The following POLR3B variants were observed in gnomAD, a reference collection of about 807,000 sequenced individuals.
POLR3B encodes the protein RNA polymerase III subunit B.
In POLR3B, 96 loss-of-function variants were observed where a neutral mutation model predicts 147.4. That is an observed-to-expected ratio of 0.65 (90% CI 0.55 to 0.77). The LOEUF (loss-of-function observed/expected upper bound fraction) is 0.77. Among genes scored for constraint, POLR3B ranks in the 30% least tolerant of loss-of-function variants. The pLI, the probability that POLR3B is intolerant of heterozygous loss-of-function variation, is 0.00. For missense variants in POLR3B, 1,036 were observed against 1,413.5 expected (o/e 0.73, Z 4.28); for synonymous variants, 461 against 485.9 (o/e 0.95, Z 0.67).
rs572237321 is a variant in POLR3B, at chr12:106,460,929, T to C, written c.2570+1561T>C. On this transcript the variant is annotated intron_variant, in intron 22 of 27. Coordinates refer to ENST00000228347, the MANE Select transcript of POLR3B (RefSeq NM_018082.6). ...GCCACTGTATTCCTCTTCCTTTCAC[T>C]ACGAAGCTCCTCAGAGCAATCATCT... is the stretch of plus-strand genomic sequence containing the variant. 1.2e-4 allele frequency among the ~76,000 whole-genome samples: 19 copies of C among 152,226 alleles called. No individual in the cohort carries two copies. In the East Asian group the frequency reaches 3.7e-3, roughly 29 times the overall value.
At chr12:106,385,157 C>T (rs11615682) in intron 9 of POLR3B, among the ~76,000 whole-genome samples, 1 of 151,894 alleles carries the variant, frequency 6.6e-6, no homozygotes, top group Non-Finnish European at 1.5e-5. Context: ...CAGAAAATAA[C>T]GTTCTGTATT....
At chr12:106,475,914 G>A (rs1471608556) in intron 23 of POLR3B, among the ~76,000 whole-genome samples, 2 of 151,256 alleles carry the variant, frequency 1.3e-5, no homozygotes, top group African/African-American at 2.4e-5. Context: ...TCATTATGAT[G>A]TTAGCTGGTT....
chr12:106,420,023 G>A (rs1666685171), intron 12 of POLR3B, among the ~76,000 whole-genome samples: 1 of 151,972 alleles, frequency 6.6e-6, no homozygotes, highest in African/African-American at 2.4e-5. Flanking sequence ...GAGGTTGGTG[G>A]GAAGGGCTGG....
At chr12:106,398,005 C>T (rs145652642) in intron 10 of POLR3B, among the ~76,000 whole-genome samples, 2 of 152,344 alleles carry the variant, frequency 1.3e-5, no homozygotes, top group Non-Finnish European at 2.9e-5. Flanking sequence ...GGGTGCAGCG[C>T]ACCGTGCGTG....
chr12:106,495,719 A>T (rs560172066), intron 23 of POLR3B, among the ~76,000 whole-genome samples: 29 of 152,304 alleles, frequency 1.9e-4, no homozygotes, highest in Non-Finnish European at 1.2e-4. Flanking sequence ...CTGCTGACTT[A>T]AAGCTTCAGG....
At chr12:106,366,996 A>G (rs2036544588) in intron 4 of POLR3B, among the ~76,000 whole-genome samples, 1 of 152,150 alleles carries the variant, frequency 6.6e-6, no homozygotes, top group Non-Finnish European at 1.5e-5. Context: ...CCAGATACTC[A>G]GGAGGCTGAG....
intron 2 of POLR3B, among the ~76,000 whole-genome samples, chr12:106,364,595 C>T (rs148626607): frequency 6.6e-6 from 1 of 152,320 alleles, no homozygotes; most frequent in Non-Finnish European, 1.5e-5. Flanking sequence ...CAATTCCACT[C>T]CTAGATATCT....
At chr12:106,388,566 T>C (rs1440169186) in intron 9 of POLR3B, among the ~76,000 whole-genome samples, 7 of 152,224 alleles carry the variant, frequency 4.6e-5, no homozygotes, top group Non-Finnish European at 7.3e-5. Context: ...TCTGCCCACC[T>C]TAGCCTCCCA....
chr12:106,480,974 T>C (rs17286995), intron 23 of POLR3B, among the ~76,000 whole-genome samples: 5,308 of 152,208 alleles, frequency 0.035, 113 homozygotes, highest in Middle Eastern at 0.082. Flanking sequence ...AACACCATGT[T>C]GAAAAGATGG....
intron 12 of POLR3B, among the ~76,000 whole-genome samples, chr12:106,423,818 G>C (rs970701623): frequency 4.0e-5 from 6 of 151,316 alleles, no homozygotes; most frequent in African/African-American, 1.5e-4. Flanking sequence ...ACCCAGTCAA[G>C]CTGACACCTA....
At chr12:106,432,541 A>G (rs1744726094) in intron 15 of POLR3B, 61 bp downstream of exon 15, 2 of 1,314,944 alleles carry the variant, frequency 1.5e-6, no homozygotes, top group African/African-American at 1.4e-5. Flanking sequence ...GAGGGAATCC[A>G]TTATTATCCT....
At chr12:106,506,920 G>A (rs930882123) in intron 27 of POLR3B, among the ~76,000 whole-genome samples, 7 of 152,162 alleles carry the variant, frequency 4.6e-5, no homozygotes, top group African/African-American at 7.2e-5. Flanking sequence ...CATGGGCGTC[G>A]TTGGAGGAAG....
intron 10 of POLR3B, among the ~76,000 whole-genome samples, chr12:106,399,340 T>G (rs527440056): frequency 6.6e-6 from 1 of 152,278 alleles, no homozygotes; most frequent in East Asian, 1.9e-4. Context: ...AAAGACCAAA[T>G]GTAGGTCTGA....
intron 23 of POLR3B, among the ~76,000 whole-genome samples, chr12:106,486,339 G>C (rs1352022653): frequency 6.6e-6 from 1 of 151,358 alleles, no homozygotes; most frequent in Admixed American, 6.6e-5. Context: ...GAGGTTCAGG[G>C]GAGGTGAGTA....
At chr12:106,458,376 G>A (rs1334711677) in intron 21 of POLR3B, among the ~76,000 whole-genome samples, 5 of 152,068 alleles carry the variant, frequency 3.3e-5, no homozygotes, top group South Asian at 2.1e-4. Flanking sequence ...CACCCACCTC[G>A]GCTTCCCAAA....
At chr12:106,451,162 A>C (rs755983986) in intron 19 of POLR3B, among the ~76,000 whole-genome samples, 1 of 152,136 alleles carries the variant, frequency 6.6e-6, no homozygotes, top group Non-Finnish European at 1.5e-5. Flanking sequence ...TGAGGAACAA[A>C]GGGAGGGATC....
At chr12:106,441,988 G>T (rs1402650171) in intron 18 of POLR3B, among the ~76,000 whole-genome samples, 6 of 151,792 alleles carry the variant, frequency 4.0e-5, no homozygotes, top group African/African-American at 1.5e-4. Context: ...GCTAAGGTGG[G>T]AGAATCACTT....
At chr12:106,478,788 G>T (rs1251507194) in intron 23 of POLR3B, among the ~76,000 whole-genome samples, 3 of 151,850 alleles carry the variant, frequency 2.0e-5, no homozygotes, top group South Asian at 2.1e-4. Flanking sequence ...AACAAGAAAG[G>T]GTTCTTTGTA....
At chr12:106,359,139 T>G (rs1200633896) in intron 1 of POLR3B, among the ~76,000 whole-genome samples, 4 of 152,098 alleles carry the variant, frequency 2.6e-5, no homozygotes, top group Non-Finnish European at 5.9e-5. Flanking sequence ...CACTTGAGCC[T>G]GGAAGGTCGA....
Sources: gnomAD v4.1 joint callset for allele counts (sites outside exome capture counted in the v4.1 genomes callset) on GRCh38, gnomAD v4.1.1 for gene constraint, MANE v1.5 for transcripts, NCBI Gene and HGNC (gene_info 2026-07-23, HGNC 2026-07-21) for gene names.